The following WT1 variants were observed in gnomAD, a reference collection of about 807,000 sequenced individuals.
The protein encoded by WT1 is WT1 transcription factor.
Under a neutral mutation model 60.8 loss-of-function variants are expected in WT1, and 8 were observed. The observed-to-expected ratio is 0.13, with a 90% CI of 0.08 to 0.24. The LOEUF (loss-of-function observed/expected upper bound fraction) is 0.24, where lower values mean the gene tolerates loss of function less well. WT1 is among the 10% of genes least tolerant of loss of function. The probability of loss-of-function intolerance (pLI) is 1.00; values close to 1 mark genes in which losing one functional copy is unlikely to be tolerated. For synonymous variants in WT1, 312 were observed against 297.1 expected (o/e 1.05, Z -0.52); for missense variants, 568 against 711.8 (o/e 0.80, Z 2.30).
intron 1 of WT1, among the ~76,000 whole-genome samples, chr11:32,429,462 TC>T (rs10580209): frequency 0.38 from 46,620 of 123,982 alleles, 9,093 homozygotes; most frequent in East Asian, 0.7. Flanking sequence ...ATCCTAGCAT[TC>T]CCCCCCCCCC....
rs187229458 is a variant in WT1 at position 32,404,195 on chromosome 11, G to A, written c.1017-4151C>T. Among the ~76,000 whole-genome samples the A allele has an allele frequency of 6.7e-3, 1,011 of 150,150 alleles. 15 individuals carry two copies. The highest frequency in any genetic ancestry group is 0.058 in the South Asian group (274 of 4,704). ...TGAGGCAGGAGAATCGCTTGAACCC[G>A]GGAGGCGGAGTTGCAGTGAGCCGAG... On this transcript the variant is annotated intron_variant, in intron 5 of 9. Transcript: ENST00000452863.
chr11:32,400,114 A>AT, intron 5 of WT1, 70 bp from the exon 6 acceptor site: 1 of 1,549,346 alleles, frequency 6.5e-7, no homozygotes, highest in Non-Finnish European at 8.9e-7. Flanking sequence ...CTTATCTGCA[A>AT]TCAGGAGGGA....
At chr11:32,430,811 A>C in intron 1 of WT1, 1 of 1,301,078 alleles carries the variant, frequency 7.7e-7, no homozygotes, top group Non-Finnish European at 9.7e-7. Context: ...CAGTGGTGAA[A>C]GCGCCTGCGG....
intron 5 of WT1, chr11:32,400,346 G>C (rs1189126064): frequency 2.1e-6 from 1 of 469,542 alleles, no homozygotes; most frequent in Non-Finnish European, 3.9e-6. Flanking sequence ...TTCATCCTCG[G>C]CAAGTTGTTT....
chr11:32,421,042 C>T (rs115158972), intron 3 of WT1, among the ~76,000 whole-genome samples: 388 of 152,326 alleles, frequency 2.5e-3, no homozygotes, highest in Middle Eastern at 0.01. Flanking sequence ...GGCTCCTCAG[C>T]TGCTCAGTCA....
chr11:32,414,871 T>TC (rs1564985711), intron 5 of WT1, among the ~76,000 whole-genome samples: 6 of 122,212 alleles, frequency 4.9e-5, no homozygotes, highest in Admixed American at 2.5e-4. Flanking sequence ...GGACTCCATA[T>TC]CAAAAAAAAA....
Position 32,430,491 on chromosome 11 carries a change from A to AGAGAGG in WT1, c.662-1873_662-1872insCCTCTC, listed in dbSNP as rs757737927. On this transcript the variant is annotated intron_variant, in intron 1 of 9. Coordinates refer to ENST00000452863, the MANE Select transcript of WT1 (RefSeq NM_024426.6). ...GAGAGAGAGAGAGAGAGAGAGAGAG[A>AGAGAGG]CGAAATAGAAGCTACGAAGAAGTTT... 8 of 1,561,434 alleles carry AGAGAGG rather than the reference A, an allele frequency of 5.1e-6. No homozygotes were observed. In the African/African-American group the frequency reaches 9.9e-5, roughly 19 times the overall value.
intron 5 of WT1, among the ~76,000 whole-genome samples, chr11:32,413,751 CAT>C (rs1265234301): frequency 6.6e-6 from 1 of 152,160 alleles, no homozygotes; most frequent in African/African-American, 2.4e-5. Context: ...TGTGTGTGCA[CAT>C]GTGTGTATAT....
intron 1 of WT1, among the ~76,000 whole-genome samples, chr11:32,432,343 C>T (rs1228791164): frequency 1.3e-5 from 2 of 152,164 alleles, no homozygotes; most frequent in East Asian, 3.9e-4. Flanking sequence ...AAGTCTTGGG[C>T]CAGGCCCTGC....
At chr11:32,422,610 C>T (rs1462617393) in intron 3 of WT1, among the ~76,000 whole-genome samples, 1 of 152,178 alleles carries the variant, frequency 6.6e-6, no homozygotes, top group Admixed American at 6.5e-5. Context: ...CGGCACTTCC[C>T]ACTGAGTTAT....
intron 3 of WT1, among the ~76,000 whole-genome samples, chr11:32,427,275 G>A (rs187434394): frequency 7.9e-4 from 120 of 152,376 alleles, no homozygotes; most frequent in African/African-American, 2.8e-3. Context: ...GAGAGAAGGT[G>A]GAGCGAGAGG....
chr11:32,408,834 C>A (rs935454658), intron 5 of WT1, among the ~76,000 whole-genome samples: 1 of 152,102 alleles, frequency 6.6e-6, no homozygotes, highest in East Asian at 1.9e-4. Flanking sequence ...CAAAATACAA[C>A]AAAACAATAA....
chr11:32,430,454 G>T lies in WT1; in HGVS notation c.662-1835C>A. ...ACACAGAGAGAGAGAGAGAGAGGGA[G>T]GGAGAGAGAGAGAGAGAGAGAGAGA... On this transcript the variant is annotated intron_variant, in intron 1 of 9. Transcript: ENST00000452863. 6.1e-6 allele frequency: 8 copies of T among 1,302,440 alleles called. 1 individual carries two copies. The highest frequency in any genetic ancestry group is 1.4e-5 in the South Asian group (1 of 70,042). 80.7% of individuals were successfully genotyped at this position (1,302,440 alleles called of 1,614,324 possible).
rs1053415747 is a variant in WT1 at position 32,400,213 on chromosome 11, C to A, written c.1017-169G>T. Reference sequence around the variant, plus strand: ...TTTAGATGCAGGGTTCTGCGGAGGGCGAGGCCCCTGGATCCTGGCCGCCAC... The same window carrying A: ...TTTAGATGCAGGGTTCTGCGGAGGGAGAGGCCCCTGGATCCTGGCCGCCAC... On this transcript the variant is annotated intron_variant, in intron 5 of 9. Transcript: ENST00000452863. 7.6e-6 allele frequency: 6 copies of A among 790,240 alleles called. No individual in the cohort carries two copies. The East Asian group carries it at 8.1e-5, about 11-fold the overall frequency. The allele number at this position is 790,240 out of a possible 1,614,324, so 49.0% of individuals were successfully genotyped here.
intron 1 of WT1, chr11:32,430,460 G>GT (rs1853254745): frequency 1.6e-6 from 1 of 631,180 alleles, no homozygotes; most frequent in African/African-American, 2.2e-5. Flanking sequence ...GGGAGGGAGA[G>GT]AGAGAGAGAG....
At chr11:32,424,165 A>T (rs866619640) in intron 3 of WT1, among the ~76,000 whole-genome samples, 7,543 of 151,012 alleles carry the variant, frequency 0.05, 218 homozygotes, top group Non-Finnish European at 0.073. Context: ...CATCTCAAAA[A>T]AAAAAAAAAA....
Position 32,413,556 on chromosome 11 carries a change from G to A in WT1, c.1016+2934C>T, listed in dbSNP as rs1294332468. Among the ~76,000 whole-genome samples, 4 of 152,200 alleles carry A rather than the reference G, an allele frequency of 2.6e-5. No individual in the cohort carries two copies. In the East Asian group the frequency reaches 7.7e-4, roughly 29 times the overall value. ...TGAGTTTGGAGGAGACAGCCAAGGT[G>A]TCACCATGTTTGAATGCTAAAAGTG... is the stretch of plus-strand genomic sequence containing the variant. On this transcript the variant is annotated intron_variant, in intron 5 of 9. Transcript: ENST00000452863.
intron 1 of WT1, among the ~76,000 whole-genome samples, chr11:32,431,408 G>A (rs1014774740): frequency 6.6e-6 from 1 of 151,772 alleles, no homozygotes; most frequent in African/African-American, 2.4e-5. Context: ...GCGGGGCTGC[G>A]GGATCAGTGG....
intron 1 of WT1, among the ~76,000 whole-genome samples, chr11:32,431,985 C>A (rs898500370): frequency 6.6e-6 from 1 of 152,174 alleles, no homozygotes; most frequent in African/African-American, 2.4e-5. Flanking sequence ...AACAAGGGGC[C>A]TCTCCAGGAT....
Sources: gnomAD v4.1 joint callset for allele counts (sites outside exome capture counted in the v4.1 genomes callset) on GRCh38, gnomAD v4.1.1 for gene constraint, MANE v1.5 for transcripts, NCBI Gene and HGNC (gene_info 2026-07-23, HGNC 2026-07-21) for gene names.